The following TBC1D22A variants were observed in gnomAD, a reference collection of about 807,000 sequenced individuals.
The protein encoded by TBC1D22A is TBC1 domain family member 22A, also known as putative GTPase activator.
Under a neutral mutation model 60.2 loss-of-function variants are expected in TBC1D22A, and 38 were observed. The ratio of observed to expected loss-of-function variants is 0.63; its 90% CI spans 0.49 to 0.83. The LOEUF (loss-of-function observed/expected upper bound fraction) is 0.83. Among genes scored for constraint, TBC1D22A ranks in the 40% least tolerant of loss-of-function variants. TBC1D22A has a pLI of 0.00. For missense variants in TBC1D22A, 628 were observed against 701.0 expected (o/e 0.90, Z 1.18); for synonymous variants, 302 against 281.7 (o/e 1.07, Z -0.72).
At chr22:47,171,749 G>A (rs2068462787) in intron 12 of TBC1D22A, among the ~76,000 whole-genome samples, 2 of 151,910 alleles carry the variant, frequency 1.3e-5, no homozygotes, top group African/African-American at 4.9e-5. Flanking sequence ...GGCGGTGGTC[G>A]TGGGGGGTCC....
chr22:47,160,694 C>T (rs2067945716), intron 12 of TBC1D22A, among the ~76,000 whole-genome samples: 1 of 152,222 alleles, frequency 6.6e-6, no homozygotes, highest in Admixed American at 6.5e-5. Context: ...ATCATTTGCA[C>T]CTTGACCTGT....
chr22:47,146,285 G>A (rs939673461), intron 12 of TBC1D22A, among the ~76,000 whole-genome samples: 3 of 152,180 alleles, frequency 2.0e-5, no homozygotes, highest in Non-Finnish European at 2.9e-5. Flanking sequence ...ACCCGTTCAC[G>A]CTAGTCCTTG....
At chr22:47,011,991 C>G (rs752839469) in intron 10 of TBC1D22A, among the ~76,000 whole-genome samples, 2 of 152,026 alleles carry the variant, frequency 1.3e-5, no homozygotes, top group African/African-American at 4.8e-5. Flanking sequence ...TTTCCCACCC[C>G]GCTCTGCCTT....
chr22:46,840,331 T>TA (rs1268090012), intron 4 of TBC1D22A, among the ~76,000 whole-genome samples: 4 of 152,102 alleles, frequency 2.6e-5, no homozygotes, highest in African/African-American at 9.7e-5. Flanking sequence ...AAAGAAGACA[T>TA]ACAGATTATC....
At chr22:46,968,693 T>C (rs946964830) in intron 8 of TBC1D22A, among the ~76,000 whole-genome samples, 6 of 152,238 alleles carry the variant, frequency 3.9e-5, no homozygotes, top group African/African-American at 1.4e-4. Context: ...ACCAGGACCA[T>C]CTGGATTTTT....
intron 10 of TBC1D22A, among the ~76,000 whole-genome samples, chr22:47,021,443 CCTCA>C: frequency 6.7e-6 from 1 of 150,030 alleles, no homozygotes; most frequent in East Asian, 2.0e-4. Context: ...CCTAGCAGAA[CCTCA>C]CCTGTCGCCT....
intron 4 of TBC1D22A, among the ~76,000 whole-genome samples, chr22:46,844,626 G>A (rs929892553): frequency 6.6e-6 from 1 of 152,210 alleles, no homozygotes; most frequent in Admixed American, 6.5e-5. Context: ...CCAGGCAGAG[G>A]TGGGGCCGAG....
At chr22:47,118,810 CACAT>C (rs543019003) in intron 12 of TBC1D22A, among the ~76,000 whole-genome samples, 5,819 of 132,210 alleles carry the variant, frequency 0.044, 351 homozygotes, top group African/African-American at 0.15. Context: ...CACACACACA[CACAT>C]ACATTTAAAA....
intron 4 of TBC1D22A, among the ~76,000 whole-genome samples, chr22:46,840,589 T>A (rs182336236): frequency 6.6e-6 from 1 of 152,012 alleles, no homozygotes; most frequent in Non-Finnish European, 1.5e-5. Flanking sequence ...AAAAATTAGC[T>A]GGGCATGGTA....
intron 11 of TBC1D22A, among the ~76,000 whole-genome samples, chr22:47,096,641 G>A (rs1338531396): frequency 6.6e-6 from 1 of 152,100 alleles, no homozygotes; most frequent in Non-Finnish European, 1.5e-5. Context: ...GGCCAACATG[G>A]CAAAACCCCA....
chr22:46,912,149 G>C lies in TBC1D22A; in HGVS notation c.976G>C (p.Val326Leu). ...SGYVQGINDL[V>L]TPFFVVFICE... is the part of the protein sequence containing the mutation. Reference sequence around the variant, plus strand: ...ATACGTTCAGGGTATAAATGATCTCGTCACTCCTTTCTTTGTGGTCTTCAT... The same window carrying C: ...ATACGTTCAGGGTATAAATGATCTCCTCACTCCTTTCTTTGTGGTCTTCAT... The change falls in exon 8 of 13, where the codon GTC (valine) becomes CTC (leucine). Residue 326 changes from valine to leucine, a missense_variant. By Grantham distance (32) the Val-to-Leu change is conservative. Coordinates refer to ENST00000337137, the MANE Select transcript of TBC1D22A (RefSeq NM_014346.5). 1.2e-6 allele frequency: 2 copies of C among 1,613,898 alleles called. No homozygotes were observed. The highest frequency in any genetic ancestry group is 1.1e-5 in the South Asian group (1 of 91,030).
At chr22:46,948,615 G>T (rs1400628055) in intron 8 of TBC1D22A, among the ~76,000 whole-genome samples, 1 of 152,224 alleles carries the variant, frequency 6.6e-6, no homozygotes, top group Non-Finnish European at 1.5e-5. Flanking sequence ...TTTGTGCTCA[G>T]CTTGGTTTGG....
At chr22:47,094,361 A>G (rs758707085) in intron 11 of TBC1D22A, among the ~76,000 whole-genome samples, 3 of 152,120 alleles carry the variant, frequency 2.0e-5, no homozygotes, top group Non-Finnish European at 2.9e-5. Context: ...GCGAAGGGTG[A>G]CCCTCCATAA....
intron 10 of TBC1D22A, among the ~76,000 whole-genome samples, chr22:47,012,120 G>C (rs1004719951): frequency 6.6e-6 from 1 of 152,068 alleles, no homozygotes. Context: ...GCTGGGAGGA[G>C]AGGCTGTGTT....
intron 5 of TBC1D22A, among the ~76,000 whole-genome samples, chr22:46,882,517 C>T (rs936604563): frequency 3.3e-5 from 5 of 152,124 alleles, no homozygotes; most frequent in Admixed American, 6.5e-5. Context: ...GCGCTATGCC[C>T]GCCACTGCAG....
At chr22:46,871,301 A>G (rs142111027) in intron 4 of TBC1D22A, among the ~76,000 whole-genome samples, 292 of 152,382 alleles carry the variant, frequency 1.9e-3, no homozygotes, top group Non-Finnish European at 2.6e-3. Flanking sequence ...AGTAATTGAT[A>G]CAACAGGTAA....
chr22:47,030,570 C>T (rs1278931818), intron 10 of TBC1D22A, among the ~76,000 whole-genome samples: 1 of 152,200 alleles, frequency 6.6e-6, no homozygotes, highest in Admixed American at 6.5e-5. Flanking sequence ...GACTTTACAA[C>T]AATAACGTTG....
chr22:46,804,757 C>T (rs776646922), intron 4 of TBC1D22A, among the ~76,000 whole-genome samples: 5 of 152,146 alleles, frequency 3.3e-5, no homozygotes, highest in Non-Finnish European at 7.4e-5. Context: ...TTTCACTGTT[C>T]CTTCAGGTGA....
At chr22:46,962,240 AAC>A (rs2073548101) in intron 8 of TBC1D22A, among the ~76,000 whole-genome samples, 1 of 152,236 alleles carries the variant, frequency 6.6e-6, no homozygotes, top group African/African-American at 2.4e-5. Context: ...GGATTTAAGA[AAC>A]AGTCACAACT....
Sources: gnomAD v4.1 joint callset for allele counts (sites outside exome capture counted in the v4.1 genomes callset) on GRCh38, gnomAD v4.1.1 for gene constraint, MANE v1.5 for transcripts, NCBI Gene and HGNC (gene_info 2026-07-23, HGNC 2026-07-21) for gene names.